The following PARPBP variants were observed in gnomAD, a reference collection of about 807,000 sequenced individuals.
PARPBP encodes the protein PCNA-interacting partner.
Under a neutral mutation model 50.0 loss-of-function variants are expected in PARPBP, and 52 were observed. The ratio of observed to expected loss-of-function variants is 1.04; its 90% CI spans 0.83 to 1.31. The LOEUF (loss-of-function observed/expected upper bound fraction) is 1.31, where lower values mean the gene tolerates loss of function less well. Among genes scored for constraint, PARPBP ranks in the 50% most tolerant of loss-of-function variants. The pLI, the probability that PARPBP is intolerant of heterozygous loss-of-function variation, is 0.00. For synonymous variants in PARPBP, 244 were observed against 232.1 expected, an observed-to-expected ratio of 1.05 and a Z score of -0.47; for missense variants, 697 against 672.0, an observed-to-expected ratio of 1.04 and a Z score of -0.41.
chr12:102,121,606 T>A (rs546064680), intron 1 of PARPBP, among the ~76,000 whole-genome samples: 1 of 140,518 alleles, frequency 7.1e-6, no homozygotes, highest in African/African-American at 2.7e-5. Context: ...TAGGCTGGAG[T>A]GCAGTAGTGC....
chr12:102,143,387 G>A (rs1055503753), intron 2 of PARPBP, among the ~76,000 whole-genome samples: 1 of 152,178 alleles, frequency 6.6e-6, no homozygotes, highest in East Asian at 1.9e-4. Flanking sequence ...CATCTGTCAT[G>A]GCTTCCCTTG....
intron 7 of PARPBP, among the ~76,000 whole-genome samples, chr12:102,178,011 A>G (rs377552877): frequency 6.6e-6 from 1 of 152,220 alleles, no homozygotes; most frequent in East Asian, 1.9e-4. Flanking sequence ...AATAGCACTT[A>G]GCATTCTGTA....
chr12:102,186,286 GTGT>G (rs993165670), intron 9 of PARPBP, among the ~76,000 whole-genome samples: 1 of 151,486 alleles, frequency 6.6e-6, no homozygotes, highest in African/African-American at 2.4e-5. Context: ...TTGATATTTT[GTGT>G]TGTTTTCTTG....
intron 6 of PARPBP, among the ~76,000 whole-genome samples, chr12:102,175,039 T>C (rs1889120222): frequency 6.6e-6 from 1 of 152,214 alleles, no homozygotes; most frequent in Admixed American, 6.5e-5. Flanking sequence ...TTTGTGGGAC[T>C]CAAATTTTCT....
rs763958538 is a variant in PARPBP, at chr12:102,175,494, G to T, written c.833G>T (p.Gly278Val). Residue 278 changes from glycine (G) to valine (V), a missense_variant, in exon 7 of 11, where the codon GGT (glycine) becomes GTT (valine). Transcript: ENST00000327680. ...ATTTCTATTTTCAGCATTGCAGGGG[G>T]TCAAATACTGTCAGTGATAAAGATG... ...GEIPNPSIAG[G>V]QILSVIKMQL... 8 of 1,612,328 alleles carry T rather than the reference G, an allele frequency of 5.0e-6. No homozygotes were observed. In the Admixed American group the frequency reaches 5.0e-5, roughly 10 times the overall value.
intron 1 of PARPBP, among the ~76,000 whole-genome samples, chr12:102,122,208 C>G (rs1222624686): frequency 1.3e-5 from 2 of 152,162 alleles, no homozygotes; most frequent in Admixed American, 1.3e-4. Context: ...CTGAAGCTGA[C>G]AGTTCTTCAC....
At chr12:102,154,086 C>T (rs1432494256) in intron 4 of PARPBP, 110 bp downstream of exon 4, 1 of 633,318 alleles carries the variant, frequency 1.6e-6, no homozygotes, top group Non-Finnish European at 2.8e-6. Flanking sequence ...TTTAACAAAT[C>T]TTTAGTATGT....
At chr12:102,133,175 G>C (rs747777096) in intron 2 of PARPBP, among the ~76,000 whole-genome samples, 5 of 152,008 alleles carry the variant, frequency 3.3e-5, no homozygotes, top group Non-Finnish European at 5.9e-5. Flanking sequence ...ACACCTTCTA[G>C]TACTATGTTG....
At chr12:102,142,676 G>A (rs1884795190) in intron 2 of PARPBP, among the ~76,000 whole-genome samples, 1 of 152,138 alleles carries the variant, frequency 6.6e-6, no homozygotes, top group Non-Finnish European at 1.5e-5. Context: ...GTTTGGTGTG[G>A]ATGTCCTTTC....
At chr12:102,159,749 T>C (rs1483038519) in intron 4 of PARPBP, among the ~76,000 whole-genome samples, 1 of 152,158 alleles carries the variant, frequency 6.6e-6, no homozygotes, top group East Asian at 1.9e-4. Flanking sequence ...TTTTTGTCAG[T>C]ATATATAAGC....
Position 102,178,789 on chromosome 12 carries a change from A to T in PARPBP, c.1184+19A>T. 2 of 1,503,126 alleles carry T rather than the reference A, an allele frequency of 1.3e-6. No individual in the cohort carries two copies. Among genetic ancestry groups the T allele is most frequent in the Non-Finnish European group, 1.8e-6 (2 of 1,102,440 alleles). The allele number at this position is 1,503,126 out of a possible 1,614,324, so 93.1% of individuals were successfully genotyped here. On this transcript the variant is annotated intron_variant, in intron 8 of 10. Transcript: ENST00000327680. ...TTTTTAGGTAAGTTATGTGGAAGTT[A>T]TATGTGTTATAAATGTTAACTCTAG...
intron 2 of PARPBP, among the ~76,000 whole-genome samples, chr12:102,144,256 A>G (rs185647917): frequency 7.1e-4 from 108 of 152,348 alleles, no homozygotes; most frequent in African/African-American, 2.5e-3. Context: ...GATATAATGT[A>G]CAAAGTACGA....
chr12:102,130,863 A>G (rs1042283872), intron 2 of PARPBP, among the ~76,000 whole-genome samples: 1 of 152,040 alleles, frequency 6.6e-6, no homozygotes, highest in Non-Finnish European at 1.5e-5. Context: ...CTCAGAAAAA[A>G]AAAAACCTAA....
At chr12:102,184,179 A>G (rs1594619776) in intron 9 of PARPBP, among the ~76,000 whole-genome samples, 1 of 151,902 alleles carries the variant, frequency 6.6e-6, no homozygotes, top group African/African-American at 2.4e-5. Flanking sequence ...ATTATTTTAA[A>G]TTTTGTTGTT....
At chr12:102,127,071 A>T (rs1164624348) in intron 2 of PARPBP, among the ~76,000 whole-genome samples, 1 of 152,128 alleles carries the variant, frequency 6.6e-6, no homozygotes, top group Non-Finnish European at 1.5e-5. Context: ...CATGATAGAC[A>T]CATTTTTATC....
intron 9 of PARPBP, among the ~76,000 whole-genome samples, chr12:102,188,895 T>G (rs1890546929): frequency 6.6e-6 from 1 of 151,876 alleles, no homozygotes; most frequent in African/African-American, 2.4e-5. Context: ...TTATCTAAAA[T>G]TAAGACCTTG....
Position 102,164,430 on chromosome 12 carries a change from T to C in PARPBP, c.496-8T>C. On this transcript the variant is annotated splice_region_variant and splice_polypyrimidine_tract_variant and intron_variant, in intron 4 of 10. Transcript: ENST00000327680. The stretch of plus-strand genomic sequence containing the variant: ...ATAAAGAAATTAACTGAATATTTTA[T>C]TGCACAGGTGCAGCTGCTAGCAAGG... 1.3e-6 allele frequency: 2 copies of C among 1,599,204 alleles called. No homozygotes were observed. Among genetic ancestry groups the C allele is most frequent in the Non-Finnish European group, 1.7e-6 (2 of 1,169,106 alleles).
At chr12:102,185,360 T>C (rs188544777) in intron 9 of PARPBP, among the ~76,000 whole-genome samples, 3 of 152,348 alleles carry the variant, frequency 2.0e-5, no homozygotes, top group Admixed American at 1.3e-4. Context: ...CGAACCATTC[T>C]TATATCCTTG....
In PARPBP at chr12:102,178,987, A is replaced by G. The variant is rs893236474; in HGVS notation, c.1184+217A>G. Among the ~76,000 whole-genome samples the G allele has an allele frequency of 5.3e-5, 8 of 152,310 alleles. No individual in the cohort carries two copies. The East Asian group carries it at 1.3e-3, about 26-fold the overall frequency. ...CAGCCTGAGAGATGTCTTTGGTTTC[A>G]GTGTTGTTTTTAGTTCTTGTTGTTT... On this transcript the variant is annotated intron_variant, in intron 8 of 10. Coordinates refer to ENST00000327680, the MANE Select transcript of PARPBP (RefSeq NM_017915.5).
Sources: allele counts gnomAD v4.1 joint callset (sites outside exome capture counted in the v4.1 genomes callset), GRCh38; gene constraint gnomAD v4.1.1; transcripts MANE v1.5; gene names NCBI Gene and HGNC (gene_info 2026-07-23, HGNC 2026-07-21).